VPS13C: variants seen among roughly 807,000 people sequenced by gnomAD.
VPS13C encodes the protein vacuolar protein sorting 13 homolog C.
A neutral mutation model predicts 456.8 loss-of-function variants in VPS13C; 358 were observed. The ratio of observed to expected loss-of-function variants is 0.78; its 90% CI spans 0.72 to 0.86. VPS13C has a LOEUF of 0.86. Ranked by LOEUF, VPS13C falls within the 40% of genes least tolerant of loss-of-function variation. The pLI is 0.00. For synonymous variants in VPS13C, 1,578 were observed against 1,486.7 expected, an observed-to-expected ratio of 1.06 and a Z score of -1.41; for missense variants, 4,818 against 4,385.4, an observed-to-expected ratio of 1.10 and a Z score of -2.79.
At chr15:62,027,849 G>A (rs1020637020) in intron 6 of VPS13C, among the ~76,000 whole-genome samples, 13 of 151,948 alleles carry the variant, frequency 8.6e-5, no homozygotes, top group African/African-American at 3.1e-4. Flanking sequence ...TCAATATGCT[G>A]TACAGGACAG....
intron 66 of VPS13C, among the ~76,000 whole-genome samples, chr15:61,903,092 A>G (rs536943199): frequency 6.6e-6 from 1 of 152,192 alleles, no homozygotes; most frequent in South Asian, 2.1e-4. Context: ...TTCAGAGGCC[A>G]AGGCAGGTGA....
intron 14 of VPS13C, among the ~76,000 whole-genome samples, 161 bp downstream of exon 14, chr15:62,008,494 T>C (rs2046930610): frequency 6.6e-6 from 1 of 152,204 alleles, no homozygotes; most frequent in Non-Finnish European, 1.5e-5. Context: ...TGAAAGCTGT[T>C]TTTATAAGTA....
At chr15:61,952,138 G>GTA (rs2044822189) in intron 38 of VPS13C, among the ~76,000 whole-genome samples, 158 bp from the exon 39 acceptor site, 1 of 152,176 alleles carries the variant, frequency 6.6e-6, no homozygotes, top group South Asian at 2.1e-4. Flanking sequence ...ATGATTCCCA[G>GTA]AACTCCTAGT....
At chr15:61,902,280 TAA>T (rs35248914) in intron 66 of VPS13C, among the ~76,000 whole-genome samples, 7 of 51,602 alleles carry the variant, frequency 1.4e-4, no homozygotes, top group East Asian at 3.6e-4. Flanking sequence ...AAAAAAAACG[TAA>T]AAAAAAAAAT....
chr15:61,929,803 T>G, intron 50 of VPS13C, 55 bp from the exon 51 acceptor site: 1 of 1,502,516 alleles, frequency 6.7e-7, no homozygotes, highest in Non-Finnish European at 9.0e-7. Flanking sequence ...ATAAAAAAGA[T>G]GAAGAATTTC....
intron 79 of VPS13C, among the ~76,000 whole-genome samples, chr15:61,870,571 G>A (rs773066217): frequency 1.1e-4 from 16 of 152,176 alleles, no homozygotes; most frequent in Non-Finnish European, 2.2e-4. Flanking sequence ...TGGTTATTTT[G>A]AATAATGGTG....
At position 62,037,294 on chromosome 15, in the gene VPS13C, T is replaced by A. The variant is rs11637942; in HGVS notation, c.188-2242A>T. On this transcript the variant is annotated intron_variant, in intron 3 of 84. Transcript: ENST00000644861. ...ATATAATATATTATATATATTATAT[T>A]ATATAATATATATATAAATATATTA... Among the ~76,000 whole-genome samples, 142 of 66,890 alleles carry A rather than the reference T, an allele frequency of 2.1e-3. 4 individuals are homozygous for A. Among genetic ancestry groups the A allele is most frequent in the African/African-American group, 6.4e-3 (101 of 15,756 alleles). The allele number at this position is 66,890 out of a possible 152,430, so 43.9% of individuals were successfully genotyped here. A position where few individuals can be genotyped will look rare whatever the true frequency, so the allele number is the denominator to read the frequency against.
At position 61,961,593 on chromosome 15, in the gene VPS13C, A is replaced by G. The variant is rs2045209115; in HGVS notation, c.3904T>C (p.Tyr1302His). The G allele has an allele frequency of 1.3e-6, 2 of 1,583,114 alleles. No individual in the cohort carries two copies. The highest frequency in any genetic ancestry group is 1.4e-5 in the African/African-American group (1 of 73,702). ...MDVQLTKLTL[Y>H]RTVIQPGIYH... Reference sequence around the variant, plus strand: ...ATAATTATTGAAAGAGCATACCTATAAAGTGTAAGCTTTGTTAGCTGCACA... The same window carrying G: ...ATAATTATTGAAAGAGCATACCTATGAAGTGTAAGCTTTGTTAGCTGCACA... Residue 1302 changes from tyrosine (Y) to histidine (H), a missense_variant, in exon 35 of 85, where the codon TAT (tyrosine) becomes CAT (histidine). This residue lies in a region of VPS13C where 4,552 missense variants were observed against 4,130.6 expected (regional missense o/e 1.10). Coordinates refer to ENST00000644861, the MANE Select transcript of VPS13C (RefSeq NM_020821.3).
chr15:62,020,900 T>C (rs1414890184), intron 8 of VPS13C, among the ~76,000 whole-genome samples: 1 of 151,966 alleles, frequency 6.6e-6, no homozygotes. Flanking sequence ...CAGATAACAC[T>C]GCCACTAAAT....
chr15:61,918,034 G>A (rs1295073366), intron 59 of VPS13C, 102 bp downstream of exon 59: 1 of 1,200,866 alleles, frequency 8.3e-7, no homozygotes. Flanking sequence ...CTTAAAACTG[G>A]CTTTTACTGA....
At chr15:61,889,794 T>C (rs1350225674) in intron 67 of VPS13C, among the ~76,000 whole-genome samples, 1 of 152,160 alleles carries the variant, frequency 6.6e-6, no homozygotes, top group Non-Finnish European at 1.5e-5. Flanking sequence ...ACTAGTCACT[T>C]GTACCTCTGT....
At chr15:61,859,596 T>G (rs1346809054) in intron 82 of VPS13C, among the ~76,000 whole-genome samples, 4 of 152,112 alleles carry the variant, frequency 2.6e-5, no homozygotes, top group African/African-American at 7.2e-5. Flanking sequence ...TACTCAAGAC[T>G]CAGCTCAAGC....
chr15:61,873,890 G>C (rs1436196020), intron 77 of VPS13C, among the ~76,000 whole-genome samples: 1 of 151,850 alleles, frequency 6.6e-6, no homozygotes, highest in African/African-American at 2.4e-5. Flanking sequence ...TGCAGCACTA[G>C]TGACAATAGC....
chr15:61,882,686 A>G lies in VPS13C; in HGVS notation c.9534T>C (p.Pro3178=), dbSNP rs1895950626. 1.9e-6 allele frequency: 3 copies of G among 1,599,188 alleles called. No homozygotes were observed. Among genetic ancestry groups the G allele is most frequent in the Non-Finnish European group, 2.6e-6 (3 of 1,173,312 alleles). ...PMEMRLPIRS[P]IKRDFLSGIQ... The stretch of plus-strand genomic sequence containing the variant: ...TTCCTGATAAAAAGTCTCGTTTAAT[A>G]GGGCTACGAATAGGGAGGCGCATTT... The change falls in exon 69 of 85, where the codon CCT becomes CCC. Residue 3178 remains proline, a synonymous_variant. Coordinates refer to ENST00000644861, the MANE Select transcript of VPS13C (RefSeq NM_020821.3).
At chr15:61,951,694 T>C (rs936093619) in intron 39 of VPS13C, 130 bp downstream of exon 39, 9 of 986,558 alleles carry the variant, frequency 9.1e-6, no homozygotes, top group Non-Finnish European at 1.3e-5. Flanking sequence ...CAGGGACTGT[T>C]TTTGAAAAGT....
chr15:61,881,681 T>C, intron 70 of VPS13C, 49 bp from the exon 71 acceptor site: 1 of 1,602,460 alleles, frequency 6.2e-7, no homozygotes, highest in Non-Finnish European at 8.5e-7. Flanking sequence ...TTATACTAGG[T>C]TAAACTAATG....
chr15:61,999,562 C>G (rs1475695419), intron 16 of VPS13C, among the ~76,000 whole-genome samples: 1 of 152,118 alleles, frequency 6.6e-6, no homozygotes. Flanking sequence ...AAAGGATATA[C>G]AGAAAGGTAT....
intron 1 of VPS13C, among the ~76,000 whole-genome samples, chr15:62,056,717 T>G (rs1462702299): frequency 6.6e-6 from 1 of 152,148 alleles, no homozygotes; most frequent in East Asian, 1.9e-4. Flanking sequence ...ACGCTCCTAG[T>G]CCGCCTTCAT....
rs115738879 is a variant in VPS13C, at chr15:61,917,532, T to C, written c.7864A>G (p.Arg2622Gly). 6.2e-7 allele frequency: 1 copy of C among 1,614,064 alleles called. No homozygotes were observed. The highest frequency in any genetic ancestry group is 2.2e-5 in the East Asian group (1 of 44,874). The change falls in exon 60 of 85, where the codon AGA (arginine) becomes GGA (glycine). Residue 2622 changes from arginine (R) to glycine (G), a missense_variant. Transcript: ENST00000644861. The stretch of plus-strand genomic sequence containing the variant: ...ACTGATGGACACTGCAACATGCATC[T>C]GACTTCCCTGCTCCTATGAAGTTCT... ...KEELHRSREV[R>G]CMLQCPSVEV...
Sources: allele counts gnomAD v4.1 joint callset (sites outside exome capture counted in the v4.1 genomes callset), GRCh38; gene constraint gnomAD v4.1.1; regional missense constraint gnomAD v4.1.1; transcripts MANE v1.5; gene names NCBI Gene and HGNC (gene_info 2026-07-23, HGNC 2026-07-21).